Variants in DGKE observed in about 807,000 individuals in gnomAD.
DGKE encodes diacylglycerol kinase epsilon.
DGKE carries 53 observed loss-of-function variants against 70.0 expected under a neutral mutation model. The observed-to-expected ratio is 0.76, with a 90% CI of 0.61 to 0.95. DGKE has a LOEUF of 0.95. DGKE is among the 40% of genes least tolerant of loss of function. The pLI is 0.00. For missense variants in DGKE, 655 were observed against 706.9 expected (o/e 0.93, Z 0.83); for synonymous variants, 291 against 257.0 (o/e 1.13, Z -1.27).
intron 2 of DGKE, among the ~76,000 whole-genome samples, chr17:56,836,755 T>C (rs1482591891): frequency 1.3e-5 from 2 of 152,244 alleles, no homozygotes; most frequent in East Asian, 1.9e-4. Context: ...CCTAGTACTT[T>C]CTGGCCTCTG....
rs1456664574 is a variant in DGKE at position 56,847,982 on chromosome 17, T to A, written c.805T>A (p.Tyr269Asn). Reference protein sequence around the residue: ...KALQLCTLLPYYSARVLVCGG... With the variant: ...KALQLCTLLPNYSARVLVCGG... ...CCTACAACTCTGTACTCTTCTCCCATATTATTCAGCTCGAGTACTTGTTTG... is the reference window on the plus strand; with the variant it reads ...CCTACAACTCTGTACTCTTCTCCCAAATTATTCAGCTCGAGTACTTGTTTG... The change falls in exon 5 of 12, where the codon TAT becomes AAT. Residue 269 changes from tyrosine (Y) to asparagine (N), a missense_variant. Transcript: ENST00000284061. The A allele has an allele frequency of 1.9e-6, 3 of 1,610,344 alleles. No homozygotes were observed. Among genetic ancestry groups the A allele is most frequent in the Non-Finnish European group, 2.5e-6 (3 of 1,177,896 alleles).
At position 56,869,044 on chromosome 17, in the gene DGKE, A is replaced by ACACTGGGCAGT. The variant is rs1206389899; in HGVS notation, c.*6257_*6258insGGGCAGTCACT. The ACACTGGGCAGT allele has an allele frequency of 2.0e-5, 1 of 49,970 alleles. No homozygotes were observed. The highest frequency in any genetic ancestry group is 4.4e-5 in the Non-Finnish European group (1 of 22,672). The allele number at this position is 49,970 out of a possible 1,614,324, so 3.1% of individuals were successfully genotyped here. On this transcript the variant is annotated 3_prime_UTR_variant, in exon 12 of 12. Transcript: ENST00000284061. The stretch of plus-strand genomic sequence containing the variant: ...ACCCAGCCTCTACTACTGTAACTTA[A>ACACTGGGCAGT]CACTTGTTCTTCCTGAGCCTCAAAT...
chr17:56,839,710 G>C (rs1187711650), intron 2 of DGKE, among the ~76,000 whole-genome samples: 1 of 151,782 alleles, frequency 6.6e-6, no homozygotes, highest in Non-Finnish European at 1.5e-5. Flanking sequence ...TGTAGAGATA[G>C]GAGTATCACC....
chr17:56,860,318 G>GAGGCAAGGAGACTAGC (rs1908216391), intron 9 of DGKE, among the ~76,000 whole-genome samples: 1 of 152,130 alleles, frequency 6.6e-6, no homozygotes, highest in African/African-American at 2.4e-5. Flanking sequence ...TGGGAGGATT[G>GAGGCAAGGAGACTAGC]CTTGAGGCAA....
At chr17:56,849,125 C>A (rs1463233140) in intron 6 of DGKE, 56 bp from the exon 7 acceptor site, 3 of 1,514,620 alleles carry the variant, frequency 2.0e-6, no homozygotes, top group African/African-American at 1.4e-5. Context: ...ATCCAAACAT[C>A]CAGAGTATGG....
At chr17:56,861,419 GTT>G (rs1284463059) in intron 9 of DGKE, among the ~76,000 whole-genome samples, 1 of 152,182 alleles carries the variant, frequency 6.6e-6, no homozygotes, top group Non-Finnish European at 1.5e-5. Context: ...ATCTGGCCCA[GTT>G]TACTTTCCTG....
chr17:56,842,297 T>C (rs773741632), intron 2 of DGKE, among the ~76,000 whole-genome samples: 9 of 152,194 alleles, frequency 5.9e-5, no homozygotes, highest in Non-Finnish European at 1.3e-4. Context: ...AGTTCATGTT[T>C]ATATTCTGGT....
Position 56,862,242 on chromosome 17 carries a change from T to G in DGKE, c.1515T>G (p.His505Gln). ...LANPFRIGQA[H>Q]TVRLILKCSM... ...ATCCTTTTCGAATAGGACAGGCACATACAGTGAGGGTAGGTGAAATATAGC... is the reference window on the plus strand; with the variant it reads ...ATCCTTTTCGAATAGGACAGGCACAGACAGTGAGGGTAGGTGAAATATAGC... Residue 505 changes from histidine to glutamine, a missense_variant, in exon 11 of 12, where the codon CAT becomes CAG. By Grantham distance (24) the His-to-Gln change is conservative (BLOSUM62 0). Coordinates refer to ENST00000284061, the MANE Select transcript of DGKE (RefSeq NM_003647.3). 1 of 1,613,682 alleles carries G rather than the reference T, an allele frequency of 6.2e-7. No homozygotes were observed. The highest frequency in any genetic ancestry group is 8.5e-7 in the Non-Finnish European group (1 of 1,179,664).
chr17:56,858,998 A>G (rs1213657457), intron 9 of DGKE, among the ~76,000 whole-genome samples: 2 of 152,186 alleles, frequency 1.3e-5, no homozygotes, highest in African/African-American at 4.8e-5. Flanking sequence ...CTGTTTAACT[A>G]TTAGGGTGAG....
At chr17:56,861,278 G>GC (rs1908274508) in intron 9 of DGKE, among the ~76,000 whole-genome samples, 1 of 72,800 alleles carries the variant, frequency 1.4e-5, no homozygotes, top group East Asian at 1.1e-3. Context: ...AGGAGGGGAA[G>GC]ATGTTACTCT....
At chr17:56,862,589 C>G in intron 11 of DGKE, 23 bp from the exon 12 acceptor site, 1 of 1,484,766 alleles carries the variant, frequency 6.7e-7, no homozygotes. Flanking sequence ...GACTTTTAAA[C>G]ATTATTTGTT....
chr17:56,840,086 C>T (rs993482128), intron 2 of DGKE, among the ~76,000 whole-genome samples: 7 of 152,088 alleles, frequency 4.6e-5, no homozygotes, highest in African/African-American at 1.7e-4. Context: ...ATTGCTTGAA[C>T]CCAGGAGGCG....
intron 4 of DGKE, among the ~76,000 whole-genome samples, chr17:56,846,901 A>AT (rs924473776): frequency 1.3e-5 from 2 of 152,194 alleles, no homozygotes; most frequent in Admixed American, 6.5e-5. Context: ...TTGCATTCTG[A>AT]TTTTTTTAAT....
Position 56,869,365 on chromosome 17 carries a change from CTG to C in DGKE, c.*6580_*6581del, listed in dbSNP as rs2093147210. ...ATGCATCTTAATATGCATGGCAGAA[CTG>C]TGTGTTTCCTTCCATCTGGATTTTC... On this transcript the variant is annotated 3_prime_UTR_variant, in exon 12 of 12. Transcript: ENST00000284061. 6.6e-6 allele frequency: 1 copy of C among 152,168 alleles called. No homozygotes were observed. The highest frequency in any genetic ancestry group is 1.5e-5 in the Non-Finnish European group (1 of 68,028). 9.4% of individuals were successfully genotyped at this position (152,168 alleles called of 1,614,324 possible).
At chr17:56,859,238 T>C (rs1908136101) in intron 9 of DGKE, among the ~76,000 whole-genome samples, 1 of 150,530 alleles carries the variant, frequency 6.6e-6, no homozygotes, top group African/African-American at 2.4e-5. Context: ...GGCAGGAGAA[T>C]GGCGTGGACC....
Position 56,862,253 on chromosome 17 carries a change from T to C in DGKE, c.1524+2T>C. On this transcript the variant is annotated splice_donor_variant, in intron 11 of 11. Coordinates refer to ENST00000284061, the MANE Select transcript of DGKE (RefSeq NM_003647.3). LOFTEE classifies it high-confidence loss of function. ...ATAGGACAGGCACATACAGTGAGGG[T>C]AGGTGAAATATAGCTGTAACAGGCT... 2 of 1,611,584 alleles carry C rather than the reference T, an allele frequency of 1.2e-6. No individual in the cohort carries two copies. Among genetic ancestry groups the C allele is most frequent in the Non-Finnish European group, 1.7e-6 (2 of 1,177,856 alleles).
intron 1 of DGKE, among the ~76,000 whole-genome samples, chr17:56,834,546 G>A (rs1394068010): frequency 6.6e-6 from 1 of 152,206 alleles, no homozygotes; most frequent in African/African-American, 2.4e-5. Context: ...TGGGCTCCTG[G>A]ACGCGCTCCC....
intron 9 of DGKE, among the ~76,000 whole-genome samples, chr17:56,860,018 A>G (rs1908198139): frequency 6.6e-6 from 1 of 152,126 alleles, no homozygotes; most frequent in Non-Finnish European, 1.5e-5. Context: ...ATCATATTTT[A>G]TTTTTCCTAG....
At position 56,869,113 on chromosome 17, in the gene DGKE, T is replaced by C. The variant is rs1418615958; in HGVS notation, c.*6322T>C. On this transcript the variant is annotated 3_prime_UTR_variant, in exon 12 of 12. Transcript: ENST00000284061. ...TGGGAATTAATGCCCACCTACGGGT[T>C]GCAAGTGCTTACAGGAGCTGGGCAA... is the stretch of plus-strand genomic sequence containing the variant. 1.3e-5 allele frequency: 2 copies of C among 152,218 alleles called. No homozygotes were observed. Among genetic ancestry groups the C allele is most frequent in the Non-Finnish European group, 2.9e-5 (2 of 68,038 alleles). 9.4% of individuals were successfully genotyped at this position (152,218 alleles called of 1,614,324 possible).
Sources: gnomAD v4.1 joint callset for allele counts (sites outside exome capture counted in the v4.1 genomes callset) on GRCh38, gnomAD v4.1.1 for gene constraint, MANE v1.5 for transcripts, NCBI Gene and HGNC (gene_info 2026-07-23, HGNC 2026-07-21) for gene names.